ZNF600: variants seen among roughly 807,000 people sequenced by gnomAD.
The protein encoded by ZNF600 is zinc finger protein 600.
ZNF600 carries 4 observed loss-of-function variants against 7.3 expected under a neutral mutation model. The ratio of observed to expected loss-of-function variants is 0.55; its 90% CI spans 0.27 to 1.25. The LOEUF is 1.25. Among genes scored for constraint, ZNF600 ranks in the 50% most tolerant of loss-of-function variants. The probability of loss-of-function intolerance (pLI) is 0.12; values close to 1 mark genes in which losing one functional copy is unlikely to be tolerated. For synonymous variants in ZNF600, 290 were observed against 308.9 expected (o/e 0.94, Z 0.64); for missense variants, 911 against 922.1 (o/e 0.99, Z 0.16).
the ZNF600 span, among the ~76,000 whole-genome samples, chr19:52,811,491 G>A: frequency 9.3e-4 from 139 of 148,774 alleles, 2 homozygotes; most frequent in Admixed American, 1.1e-3. Flanking sequence ...AGTGAGGAGC[G>A]TCTCTGCCCG....
At chr19:52,810,530 C>T in the ZNF600 span, 757 of 1,596,518 alleles carry the variant, frequency 4.7e-4, 7 homozygotes, top group African/African-American at 8.5e-3. Flanking sequence ...GATCCCAAAG[C>T]GAACCAACAG....
intron 1 of ZNF600, among the ~76,000 whole-genome samples, chr19:52,783,424 C>A (rs181461397): frequency 1.3e-5 from 2 of 152,132 alleles, no homozygotes; most frequent in Admixed American, 6.5e-5. Flanking sequence ...GGCAGTGGCG[C>A]GATCTCGGCT....
the ZNF600 span, among the ~76,000 whole-genome samples, chr19:52,824,274 A>G: frequency 6.6e-6 from 1 of 152,158 alleles, no homozygotes; most frequent in Non-Finnish European, 1.5e-5. Context: ...GCATCCAGGT[A>G]AATACAAAGA....
the ZNF600 span, among the ~76,000 whole-genome samples, chr19:52,815,270 C>A: frequency 2.1e-5 from 3 of 145,300 alleles, no homozygotes; most frequent in African/African-American, 5.4e-5. Flanking sequence ...AATCTCAGCA[C>A]TTTGGGAGGC....
Position 52,771,904 on chromosome 19 carries a change from C to T in ZNF600, c.190+2671G>A, listed in dbSNP as rs111850723. On this transcript the variant is annotated intron_variant, in intron 3 of 3. Transcript: ENST00000648973. ...CTGGAATTAGAGGCCTAAGCCACTG[C>T]GGCTGGCCAGTCTAAGCTATTTCTG... Among the ~76,000 whole-genome samples the T allele has an allele frequency of 5.9e-5, 9 of 152,020 alleles. No individual in the cohort carries two copies. The South Asian group carries it at 6.2e-4, about 11-fold the overall frequency.
intron 2 of ZNF600, among the ~76,000 whole-genome samples, chr19:52,778,087 T>A (rs2062691186): frequency 6.6e-6 from 1 of 152,028 alleles, no homozygotes; most frequent in Non-Finnish European, 1.5e-5. Flanking sequence ...AATTTCGGCA[T>A]ACAGTAACCT....
the ZNF600 span, among the ~76,000 whole-genome samples, chr19:52,811,074 G>C: frequency 2.1e-5 from 3 of 144,904 alleles, no homozygotes; most frequent in Non-Finnish European, 3.0e-5. Context: ...TTTTTTTTTT[G>C]GTGGAGACGG....
chr19:52,833,223 G>A, the ZNF600 span, among the ~76,000 whole-genome samples: 2 of 152,164 alleles, frequency 1.3e-5, no homozygotes, highest in South Asian at 2.1e-4. Flanking sequence ...GGTCCACGAA[G>A]AGCTGACATC....
Position 52,784,075 on chromosome 19 carries a change from C to CA in ZNF600, c.-20+2519dup, listed in dbSNP as rs372098238. 5.0e-3 allele frequency among the ~76,000 whole-genome samples: 750 copies of CA among 151,040 alleles called. 4 individuals carry two copies. The highest frequency in any genetic ancestry group is 7.8e-3 in the Non-Finnish European group (526 of 67,730). On this transcript the variant is annotated intron_variant, in intron 1 of 3. Transcript: ENST00000648973. ...GGGCAAAAAGAGCAAAACTCCACCT[C>CA]AAAAAAAAATAATAATAATAATTAG...
intron 1 of ZNF600, among the ~76,000 whole-genome samples, chr19:52,780,055 A>T (rs2062707944): frequency 1.3e-5 from 2 of 152,084 alleles, no homozygotes. Flanking sequence ...CGTTTGTGCC[A>T]CATTTCTCTG....
chr19:52,821,877 T>A, the ZNF600 span, among the ~76,000 whole-genome samples: 1 of 151,074 alleles, frequency 6.6e-6, no homozygotes, highest in East Asian at 2.0e-4. Flanking sequence ...CACACCAGCC[T>A]GGGCAACAGA....
chr19:52,796,089 C>A, the ZNF600 span, among the ~76,000 whole-genome samples: 1 of 152,124 alleles, frequency 6.6e-6, no homozygotes, highest in Non-Finnish European at 1.5e-5. Flanking sequence ...ATGGGAGGAT[C>A]CCTTGAACCC....
At chr19:52,776,566 T>C (rs1217307681) in intron 2 of ZNF600, among the ~76,000 whole-genome samples, 2 of 152,036 alleles carry the variant, frequency 1.3e-5, no homozygotes, top group South Asian at 2.1e-4. Flanking sequence ...CACCTGCCAC[T>C]GCGTCCATCT....
the ZNF600 span, chr19:52,801,758 T>C: frequency 6.8e-7 from 1 of 1,467,800 alleles, no homozygotes; most frequent in Non-Finnish European, 9.3e-7. Flanking sequence ...TGTATAATAC[T>C]GAAATGTGTA....
intron 3 of ZNF600, among the ~76,000 whole-genome samples, chr19:52,774,256 C>G (rs1278232016): frequency 1.3e-5 from 2 of 150,626 alleles, no homozygotes; most frequent in South Asian, 2.1e-4. Context: ...ATAGAGAAAC[C>G]CCGTCTCTAC....
chr19:52,800,453 C>T, the ZNF600 span: 1 of 1,613,456 alleles, frequency 6.2e-7, no homozygotes, highest in Non-Finnish European at 8.5e-7. Context: ...TGTATGGTTT[C>T]TCTGCAGTAT....
At chr19:52,812,951 C>T in the ZNF600 span, among the ~76,000 whole-genome samples, 83 of 151,382 alleles carry the variant, frequency 5.5e-4, no homozygotes, top group Non-Finnish European at 1.5e-4. Flanking sequence ...TGAAATTCCA[C>T]AATCTGAGCT....
chr19:52,804,664 C>T, the ZNF600 span, among the ~76,000 whole-genome samples: 1 of 152,190 alleles, frequency 6.6e-6, no homozygotes, highest in East Asian at 1.9e-4. Flanking sequence ...AGCCACTGCA[C>T]CTAGCCCATT....
At chr19:52,799,467 T>C in the ZNF600 span, 65 of 878,368 alleles carry the variant, frequency 7.4e-5, no homozygotes, top group Middle Eastern at 2.2e-4. Flanking sequence ...AATTCTATGA[T>C]GACGTGCAAG....
Sources: allele counts gnomAD v4.1 joint callset (sites outside exome capture counted in the v4.1 genomes callset), GRCh38; gene constraint gnomAD v4.1.1; transcripts MANE v1.5; gene names NCBI Gene and HGNC (gene_info 2026-07-23, HGNC 2026-07-21).